Variants in R3HDM1 observed in about 807,000 individuals in gnomAD.
The protein encoded by R3HDM1 is R3H domain containing 1.
A neutral mutation model predicts 141.1 loss-of-function variants in R3HDM1; 46 were observed. The ratio of observed to expected loss-of-function variants is 0.33; its 90% CI spans 0.26 to 0.42. The LOEUF (loss-of-function observed/expected upper bound fraction) is 0.42. Among genes scored for constraint, R3HDM1 ranks in the 10% least tolerant of loss-of-function variants. The pLI is 1.00. For synonymous variants in R3HDM1, 435 were observed against 472.9 expected (o/e 0.92, Z 1.04); for missense variants, 1,184 against 1,368.3 (o/e 0.87, Z 2.12).
intron 1 of R3HDM1, among the ~76,000 whole-genome samples, chr2:135,560,459 A>G (rs1156735993): frequency 2.6e-5 from 4 of 152,068 alleles, no homozygotes; most frequent in Admixed American, 1.3e-4. Flanking sequence ...GACTACAGGC[A>G]TGCACCACCA....
chr2:135,712,428 A>ATTT (rs34713048), intron 23 of R3HDM1, among the ~76,000 whole-genome samples: 93 of 103,954 alleles, frequency 8.9e-4, no homozygotes, highest in African/African-American at 2.8e-3. Context: ...TGCCCAACTA[A>ATTT]TTTTTTTTTT....
intron 1 of R3HDM1, chr2:135,536,720 G>A (rs189809137): frequency 5.6e-5 from 55 of 982,052 alleles, no homozygotes; most frequent in African/African-American, 3.3e-4. Flanking sequence ...AATTAACTTT[G>A]CTAACCTGTC....
At chr2:135,540,641 C>T (rs529156239) in intron 1 of R3HDM1, among the ~76,000 whole-genome samples, 3 of 152,258 alleles carry the variant, frequency 2.0e-5, no homozygotes, top group Non-Finnish European at 4.4e-5. Context: ...TGGTCTCAAA[C>T]TCCTGGCCTC....
chr2:135,607,900 C>G (rs1196382270), intron 3 of R3HDM1: 24 of 982,118 alleles, frequency 2.4e-5, no homozygotes, highest in African/African-American at 3.5e-5. Flanking sequence ...TCTTTGACCT[C>G]TTGTTTCCTA....
At chr2:135,620,944 G>A (rs1342742586) in intron 5 of R3HDM1, among the ~76,000 whole-genome samples, 1 of 152,014 alleles carries the variant, frequency 6.6e-6, no homozygotes, top group Non-Finnish European at 1.5e-5. Flanking sequence ...TTGAAGGATT[G>A]ACAGTGATAT....
chr2:135,719,200 A>T (rs968479221), intron 24 of R3HDM1, among the ~76,000 whole-genome samples: 1 of 151,970 alleles, frequency 6.6e-6, no homozygotes, highest in Non-Finnish European at 1.5e-5. Context: ...GCATATTTTA[A>T]AAAAATAAAT....
intron 1 of R3HDM1, among the ~76,000 whole-genome samples, chr2:135,591,861 G>A (rs1265366771): frequency 6.6e-6 from 1 of 152,190 alleles, no homozygotes; most frequent in Non-Finnish European, 1.5e-5. Flanking sequence ...CACAGGGTAA[G>A]GTCTAGGTGA....
At chr2:135,692,101 C>G (rs172690) in intron 21 of R3HDM1, among the ~76,000 whole-genome samples, 1 of 151,806 alleles carries the variant, frequency 6.6e-6, no homozygotes, top group East Asian at 2.0e-4. Context: ...TTAGTGTAGG[C>G]GGGGTTCACC....
Position 135,688,752 on chromosome 2 carries a change from A to G in R3HDM1, c.2459+8428A>G, listed in dbSNP as rs955627661. On this transcript the variant is annotated intron_variant, in intron 21 of 26. Transcript: ENST00000683871. ...AGAGTTGGGGACCAGCCTGGCCAACATGGTGAAACACCATCTCTACTAAAA... is the reference window on the plus strand; with the variant it reads ...AGAGTTGGGGACCAGCCTGGCCAACGTGGTGAAACACCATCTCTACTAAAA... 1.8e-4 allele frequency among the ~76,000 whole-genome samples: 27 copies of G among 152,280 alleles called. No homozygotes were observed. In the East Asian group the frequency reaches 4.1e-3, roughly 23 times the overall value.
chr2:135,656,560 C>T (rs1486977764), intron 18 of R3HDM1: 1 of 151,620 alleles, frequency 6.6e-6, no homozygotes, highest in Non-Finnish European at 1.5e-5. Flanking sequence ...CCAATTTTGT[C>T]TTTTTAGGTA....
chr2:135,650,568 G>A lies in R3HDM1; in HGVS notation c.1725+565G>A, dbSNP rs541273481. The stretch of plus-strand genomic sequence containing the variant: ...ACTTTTTTCCAAGGTGACTCTGAGA[G>A]TGGTATACAATTATGGTACTTCTGT... On this transcript the variant is annotated intron_variant, in intron 17 of 26. Transcript: ENST00000683871. 90 of 981,954 alleles carry A rather than the reference G, an allele frequency of 9.2e-5. No homozygotes were observed. The Middle Eastern group carries it at 2.6e-3, about 29-fold the overall frequency. The allele number at this position is 981,954 out of a possible 1,614,324, so 60.8% of individuals were successfully genotyped here.
Position 135,641,482 on chromosome 2 carries a change from G to A in R3HDM1, c.1220-54G>A, listed in dbSNP as rs1385960868. 89 of 1,515,088 alleles carry A rather than the reference G, an allele frequency of 5.9e-5. No individual in the cohort carries two copies. In the East Asian group the frequency reaches 2.0e-3, roughly 34 times the overall value. The allele number at this position is 1,515,088 out of a possible 1,614,324, so 93.9% of individuals were successfully genotyped here. A position where few individuals can be genotyped will look rare whatever the true frequency, so the allele number is the denominator to read the frequency against. On this transcript the variant is annotated intron_variant, in intron 14 of 26. Coordinates refer to ENST00000683871, the MANE Select transcript of R3HDM1 (RefSeq NM_001378107.1). ...AATTTTATTGTTGTTTTAAAAACCT[G>A]TGTTTTTTATATGAGGTTTAAAAAA...
At chr2:135,532,126 C>A (rs976625216) in intron 1 of R3HDM1, among the ~76,000 whole-genome samples, 1 of 152,118 alleles carries the variant, frequency 6.6e-6, no homozygotes, top group Non-Finnish European at 1.5e-5. Context: ...CCCCGGGCTC[C>A]CCCGGCCGCC....
chr2:135,539,959 C>T (rs960849984), intron 1 of R3HDM1, among the ~76,000 whole-genome samples: 4 of 152,190 alleles, frequency 2.6e-5, no homozygotes, highest in East Asian at 1.9e-4. Flanking sequence ...GAAGATTTCT[C>T]GATAGCATGT....
chr2:135,634,454 A>G (rs2063058076), intron 9 of R3HDM1, among the ~76,000 whole-genome samples: 1 of 152,144 alleles, frequency 6.6e-6, no homozygotes. Context: ...CAGCCTGGCC[A>G]ATATGATGAA....
At position 135,692,710 on chromosome 2, in the gene R3HDM1, G is replaced by A. The variant is rs192730068; in HGVS notation, c.2459+12386G>A. Among the ~76,000 whole-genome samples the A allele has an allele frequency of 2.0e-5, 3 of 152,294 alleles. No homozygotes were observed. The East Asian group carries it at 5.8e-4, about 29-fold the overall frequency. On this transcript the variant is annotated intron_variant, in intron 21 of 26. Transcript: ENST00000683871. ...AAAAAAAAGGCCAAAAATTAGTCCA[G>A]TAGCGGTCTTTGAAGTGAACTTGAA...
At chr2:135,579,440 T>G (rs552719419) in intron 1 of R3HDM1, among the ~76,000 whole-genome samples, 10 of 152,250 alleles carry the variant, frequency 6.6e-5, no homozygotes, top group African/African-American at 2.4e-4. Context: ...AAAACCATCA[T>G]TAGGCAGACA....
At chr2:135,719,377 C>G (rs1312575451) in intron 24 of R3HDM1, among the ~76,000 whole-genome samples, 1 of 151,178 alleles carries the variant, frequency 6.6e-6, no homozygotes, top group East Asian at 1.9e-4. Flanking sequence ...ACTTAGGAAG[C>G]TGAGGCAAGA....
intron 16 of R3HDM1, among the ~76,000 whole-genome samples, chr2:135,646,256 C>T (rs967794103): frequency 6.6e-6 from 1 of 151,718 alleles, no homozygotes; most frequent in Non-Finnish European, 1.5e-5. Flanking sequence ...CTGCCTCAGC[C>T]TCCCAAGTAG....
Sources: gnomAD v4.1 joint callset for allele counts (sites outside exome capture counted in the v4.1 genomes callset) on GRCh38, gnomAD v4.1.1 for gene constraint, MANE v1.5 for transcripts, NCBI Gene and HGNC (gene_info 2026-07-23, HGNC 2026-07-21) for gene names.